MAGI1: variants seen among roughly 807,000 people sequenced by gnomAD.
The protein encoded by MAGI1 is membrane-associated guanylate kinase, WW and PDZ domain-containing protein 1.
MAGI1 carries 58 observed loss-of-function variants against 139.9 expected under a neutral mutation model. That is an observed-to-expected ratio of 0.41 (90% confidence interval 0.34 to 0.52). MAGI1 has a LOEUF of 0.52. Ranked by LOEUF, MAGI1 falls within the 20% of genes least tolerant of loss-of-function variation. The probability of loss-of-function intolerance (pLI) is 0.12; values close to 1 mark genes in which losing one functional copy is unlikely to be tolerated. For missense variants in MAGI1, 1,874 were observed against 1,901.6 expected (o/e 0.99, Z 0.27); for synonymous variants, 812 against 737.9 (o/e 1.10, Z -1.63).
At chr3:65,412,775 G>A (rs941815808) in intron 12 of MAGI1, among the ~76,000 whole-genome samples, 2 of 152,030 alleles carry the variant, frequency 1.3e-5, no homozygotes, top group African/African-American at 4.8e-5. Context: ...TGCCAGGTTC[G>A]GCTCAACTCA....
At chr3:65,881,060 A>G (rs557098731) in intron 1 of MAGI1, among the ~76,000 whole-genome samples, 1 of 151,994 alleles carries the variant, frequency 6.6e-6, no homozygotes, top group South Asian at 2.1e-4. Flanking sequence ...TAATTTTAGT[A>G]TTTTTTGTAG....
intron 1 of MAGI1, among the ~76,000 whole-genome samples, chr3:65,703,056 A>C (rs902974862): frequency 6.6e-6 from 1 of 151,862 alleles, no homozygotes; most frequent in Non-Finnish European, 1.5e-5. Context: ...GAGGCAGCCC[A>C]CCCTCCACGT....
intron 2 of MAGI1, among the ~76,000 whole-genome samples, chr3:65,605,696 AC>A (rs2082707287): frequency 6.6e-6 from 1 of 152,184 alleles, no homozygotes; most frequent in South Asian, 2.1e-4. Context: ...CTACAATATC[AC>A]ACTTACTATT....
chr3:65,619,218 T>G (rs1289121390), intron 2 of MAGI1, among the ~76,000 whole-genome samples: 1 of 152,154 alleles, frequency 6.6e-6, no homozygotes, highest in African/African-American at 2.4e-5. Flanking sequence ...TGGTACAATT[T>G]TGAGAAAGTT....
intron 5 of MAGI1, 113 bp from the exon 6 acceptor site, chr3:65,453,453 A>T: frequency 1.3e-6 from 1 of 760,644 alleles, no homozygotes; most frequent in Non-Finnish European, 2.1e-6. Flanking sequence ...TACAACAAAG[A>T]TGCTTTCCAA....
At chr3:65,906,160 T>A (rs2061425165) in intron 1 of MAGI1, among the ~76,000 whole-genome samples, 1 of 152,192 alleles carries the variant, frequency 6.6e-6, no homozygotes, top group Non-Finnish European at 1.5e-5. Context: ...TGGTAGCATC[T>A]AATAATAAAA....
At chr3:65,876,329 T>C (rs1188444216) in intron 1 of MAGI1, among the ~76,000 whole-genome samples, 1 of 151,608 alleles carries the variant, frequency 6.6e-6, no homozygotes, top group Admixed American at 6.6e-5. Context: ...TAAGAATCCA[T>C]CTCCTAACCC....
chr3:65,373,607 A>G (rs1029941095), intron 18 of MAGI1, among the ~76,000 whole-genome samples: 1 of 152,162 alleles, frequency 6.6e-6, no homozygotes, highest in Non-Finnish European at 1.5e-5. Context: ...ATGAAGTGCA[A>G]TGAAAGGGGG....
At chr3:65,926,540 TAA>T (rs2062529408) in intron 1 of MAGI1, among the ~76,000 whole-genome samples, 7 of 152,068 alleles carry the variant, frequency 4.6e-5, no homozygotes, top group Admixed American at 4.6e-4. Flanking sequence ...ATACAGGTAA[TAA>T]AGACCTTGCT....
chr3:65,737,233 C>T (rs1159805561), intron 1 of MAGI1, among the ~76,000 whole-genome samples: 1 of 152,162 alleles, frequency 6.6e-6, no homozygotes, highest in Non-Finnish European at 1.5e-5. Flanking sequence ...TCTCAATCTC[C>T]TGACCTCGTG....
chr3:65,886,050 C>G (rs982805146), intron 1 of MAGI1, among the ~76,000 whole-genome samples: 4 of 152,090 alleles, frequency 2.6e-5, no homozygotes, highest in African/African-American at 9.7e-5. Context: ...ACAAGTATAA[C>G]TGAAAGCAAA....
In MAGI1 at chr3:65,485,203, G is replaced by C. The variant is rs141113744; in HGVS notation, c.551-6405C>G. Among the ~76,000 whole-genome samples, 375 of 152,214 alleles carry C rather than the reference G, an allele frequency of 2.5e-3. 1 individual carries two copies. Among genetic ancestry groups the C allele is most frequent in the African/African-American group, 8.4e-3 (351 of 41,544 alleles). ...TCTGCATCACTTCACTTTGCTACTT[G>C]CTTGCTCAGCACATGATAGTTCCTT... On this transcript the variant is annotated intron_variant, in intron 3 of 22. Transcript: ENST00000402939.
At chr3:65,943,490 G>A (rs924614542) in intron 1 of MAGI1, among the ~76,000 whole-genome samples, 2 of 151,532 alleles carry the variant, frequency 1.3e-5, no homozygotes, top group Non-Finnish European at 2.9e-5. Flanking sequence ...CAGGAGAATC[G>A]CTTGAACCCG....
At chr3:65,421,462 T>G (rs952054554) in intron 12 of MAGI1, among the ~76,000 whole-genome samples, 1 of 152,142 alleles carries the variant, frequency 6.6e-6, no homozygotes, top group Non-Finnish European at 1.5e-5. Flanking sequence ...GTCAATGAGT[T>G]TGAGATACTG....
At chr3:65,918,032 G>A (rs997867648) in intron 1 of MAGI1, among the ~76,000 whole-genome samples, 3 of 152,048 alleles carry the variant, frequency 2.0e-5, no homozygotes, top group Non-Finnish European at 1.5e-5. Flanking sequence ...GGAAGCAGAG[G>A]GTACATAGGA....
At chr3:65,839,922 G>A (rs12633030) in intron 1 of MAGI1, among the ~76,000 whole-genome samples, 81,488 of 151,952 alleles carry the variant, frequency 0.54, 23,204 homozygotes, top group East Asian at 0.94. Context: ...ATTCATTTAG[G>A]TCTCATTTAT....
chr3:65,831,958 T>C (rs975034961), intron 1 of MAGI1, among the ~76,000 whole-genome samples: 3 of 152,222 alleles, frequency 2.0e-5, no homozygotes, highest in African/African-American at 7.2e-5. Context: ...GTAATAATTG[T>C]GGGGGCCTTG....
chr3:65,798,573 G>A (rs2040302690), intron 1 of MAGI1, among the ~76,000 whole-genome samples: 5 of 152,062 alleles, frequency 3.3e-5, no homozygotes, highest in Admixed American at 3.3e-4. Context: ...AGGATGCTCT[G>A]GGTTTCCTTA....
In MAGI1 at chr3:65,548,511, CTTTTTTTTTTTTTTT is replaced by C. The variant is rs1170215972; in HGVS notation, c.431-54895_431-54881del. Among the ~76,000 whole-genome samples the C allele has an allele frequency of 1.5e-4, 13 of 87,388 alleles. No individual in the cohort carries two copies. The East Asian group carries it at 2.3e-3, about 15-fold the overall frequency. The allele number at this position is 87,388 out of a possible 152,430, so 57.3% of individuals were successfully genotyped here. A position where few individuals can be genotyped will look rare whatever the true frequency, so the allele number is the denominator to read the frequency against. On this transcript the variant is annotated intron_variant, in intron 2 of 22. Transcript: ENST00000402939. ...AGCCCAGCTTTATGCAAACAACACTCTTTTTTTTTTTTTTTTTTTTTTTTTTTTTGAGACGGAGTC... is the reference window on the plus strand; with the variant it reads ...AGCCCAGCTTTATGCAAACAACACTCTTTTTTTTTTTTTTGAGACGGAGTC...
Sources: allele counts gnomAD v4.1 joint callset (sites outside exome capture counted in the v4.1 genomes callset), GRCh38; gene constraint gnomAD v4.1.1; transcripts MANE v1.5; gene names NCBI Gene and HGNC (gene_info 2026-07-23, HGNC 2026-07-21).